SPTBN5: variants seen among roughly 807,000 people sequenced by gnomAD.
The protein encoded by SPTBN5 is spectrin beta, non-erythrocytic 5, also known as spectrin beta chain, non-erythrocytic 5.
In SPTBN5, 513 loss-of-function variants were observed where a neutral mutation model predicts 477.6. That is an observed-to-expected ratio of 1.07 (90% CI 1.00 to 1.16). The LOEUF (loss-of-function observed/expected upper bound fraction) is 1.16. SPTBN5 is among the 50% of genes most tolerant of loss of function. The pLI is 0.00. For missense variants in SPTBN5, 5,062 were observed against 4,731.8 expected, an observed-to-expected ratio of 1.07 and a Z score of -2.05; for synonymous variants, 2,169 against 2,011.7, an observed-to-expected ratio of 1.08 and a Z score of -2.09.
intron 32 of SPTBN5, among the ~76,000 whole-genome samples, chr15:41,869,570 G>C (rs918531664): frequency 2.0e-5 from 3 of 152,120 alleles, no homozygotes; most frequent in Admixed American, 6.5e-5. Context: ...AGCTTTCCTG[G>C]GCAGTTCTTA....
rs375102623 is a variant in SPTBN5 at position 41,851,362 on chromosome 15, G to A, written c.10664C>T (p.Ser3555Leu). 33 of 1,550,648 alleles carry A rather than the reference G, an allele frequency of 2.1e-5. No individual in the cohort carries two copies. The highest frequency in any genetic ancestry group is 1.8e-4 in the African/African-American group (13 of 72,980). ...CCCGCGGCAGCTGTCCCAGGAGCTC[G>A]AGCTAGGCTGTGGAGAGGAGGCGGG... ...HLLPGGRQPS[S>L]SSWDSCRGNL... Residue 3555 changes from serine to leucine, a missense_variant, in exon 64 of 68, where the codon TCG becomes TTG. Ser to Leu is a moderately radical substitution (Grantham distance 145). Transcript: ENST00000320955.
chr15:41,865,692 G>A, intron 39 of SPTBN5, 116 bp downstream of exon 39: 1 of 931,470 alleles, frequency 1.1e-6, no homozygotes, highest in South Asian at 1.7e-5. Context: ...CGAGGGCATA[G>A]GAGGAGCAGG....
At chr15:41,860,800 C>G in intron 46 of SPTBN5, 42 bp from the exon 47 acceptor site, 1 of 1,435,194 alleles carries the variant, frequency 7.0e-7, no homozygotes. Flanking sequence ...TGAGCCTCCC[C>G]CTCCCATCCC....
Position 41,857,418 on chromosome 15 carries a change from G to C in SPTBN5, c.8441C>G (p.Thr2814Ser), listed in dbSNP as rs773367566. ...CACCCCAGGCAGGGCCTGGCCCACA[G>C]TGGGGGCTCTCAGCTCAACCTCGAT... ...EPIEVELRAP[T>S]VGQALPGVGE... The change falls in exon 51 of 68, where the codon ACT becomes AGT. Residue 2814 changes from threonine (T) to serine (S), a missense_variant. Physicochemically the swap from Thr to Ser is moderately conservative, Grantham distance 58 (BLOSUM62 1). Coordinates refer to ENST00000320955, the MANE Select transcript of SPTBN5 (RefSeq NM_016642.4). 10 of 1,600,994 alleles carry C rather than the reference G, an allele frequency of 6.2e-6. No homozygotes were observed. Among genetic ancestry groups the C allele is most frequent in the African/African-American group, 4.0e-5 (3 of 74,638 alleles).
chr15:41,852,149 C>T (rs1007189276), intron 62 of SPTBN5, 33 bp downstream of exon 62: 17 of 1,547,486 alleles, frequency 1.1e-5, no homozygotes, highest in African/African-American at 1.4e-5. Context: ...GAGACCACGG[C>T]GGGGGTGCCT....
rs1313232014 is a variant in SPTBN5 at position 41,879,469 on chromosome 15, C to G, written c.2973G>C (p.Glu991Asp). 2 of 1,588,532 alleles carry G rather than the reference C, an allele frequency of 1.3e-6. No homozygotes were observed. Among genetic ancestry groups the G allele is most frequent in the East Asian group, 4.6e-5 (2 of 43,746 alleles). Residue 991 changes from glutamate to aspartate, a missense_variant, in exon 16 of 68, where the codon GAG (glutamate) becomes GAC (aspartate). Transcript: ENST00000320955. ...RWGQLEALKR[E>D]KAVQLAHSVE... The stretch of plus-strand genomic sequence containing the variant: ...CACTGTGTGCCAGCTGCACGGCCTT[C>G]TCCCTCTTCAGGGCCTCCAGCTGCC...
At position 41,849,903 on chromosome 15, in the gene SPTBN5, T is replaced by G; in HGVS notation, c.10978A>C (p.Thr3660Pro). 1 of 1,594,106 alleles carries G rather than the reference T, an allele frequency of 6.3e-7. No homozygotes were observed. Among genetic ancestry groups the G allele is most frequent in the South Asian group, 1.1e-5 (1 of 87,664 alleles). Residue 3660 changes from threonine (T) to proline (P), a missense_variant, in exon 67 of 68, where the codon ACG (threonine) becomes CCG (proline). Transcript: ENST00000320955. Reference sequence around the variant, plus strand: ...CATCCAGGCCGGGCATCCTTGGTCGTGCACTCATTCAGAGAGCTGACAGGT... The same window carrying G: ...CATCCAGGCCGGGCATCCTTGGTCGGGCACTCATTCAGAGAGCTGACAGGT... ...AKPVSSLNEC[T>P]TKDARPGCLL...
intron 28 of SPTBN5, 81 bp from the exon 29 acceptor site, chr15:41,871,601 C>A (rs1217969849): frequency 1.4e-6 from 2 of 1,416,114 alleles, no homozygotes; most frequent in East Asian, 2.8e-5. Flanking sequence ...CACCTCAGTG[C>A]CCAACTGGGT....
rs900952457 is a variant in SPTBN5 at position 41,869,865 on chromosome 15, G to A, written c.5829C>T (p.Arg1943=). 1 of 1,560,260 alleles carries A rather than the reference G, an allele frequency of 6.4e-7. No individual in the cohort carries two copies. The highest frequency in any genetic ancestry group is 1.9e-5 in the Admixed American group (1 of 51,854). Residue 1943 remains arginine, a synonymous_variant, in exon 32 of 68, where the codon CGC becomes CGT. Transcript: ENST00000320955. ...CCGCCGTGCGGAAGCGGGCCAGGAG[G>A]CGTGCCCGCTCCAGCTGGGCCCTGC... ...EQRRAQLERA[R]LLARFRTAVR...
rs1355149182 is a variant in SPTBN5, at chr15:41,883,076, G to T, written c.1812C>A (p.Gly604=). 3 of 1,593,702 alleles carry T rather than the reference G, an allele frequency of 1.9e-6. No homozygotes were observed. In the African/African-American group the frequency reaches 4.0e-5, roughly 21 times the overall value. The change falls in exon 9 of 68, where the codon GGC becomes GGA. Residue 604 remains glycine, a synonymous_variant. Coordinates refer to ENST00000320955, the MANE Select transcript of SPTBN5 (RefSeq NM_016642.4). ...QQTAELDSSL[G]TSVEVLQAKA... ...TGGCCTGCAGCACCTCCACACTGGT[G>T]CCCAGGGAGGAGTCCAGCTCTGCTG...
At chr15:41,851,971 C>T (rs2065779239) in intron 62 of SPTBN5, 121 bp from the exon 63 acceptor site, 2 of 965,986 alleles carry the variant, frequency 2.1e-6, no homozygotes, top group Non-Finnish European at 3.1e-6. Flanking sequence ...AGGCCTGACC[C>T]TGCTTAGCTT....
At position 41,854,714 on chromosome 15, in the gene SPTBN5, G is replaced by A; in HGVS notation, c.9618+68C>T. On this transcript the variant is annotated intron_variant, in intron 56 of 67. Coordinates refer to ENST00000320955, the MANE Select transcript of SPTBN5 (RefSeq NM_016642.4). ...TTGTTGGAACCAAAGCCTGTGGTAA[G>A]GAGGGCTTAGAGGGATTTTTTGAAG... is the stretch of plus-strand genomic sequence containing the variant. 4 of 1,360,056 alleles carry A rather than the reference G, an allele frequency of 2.9e-6. No individual in the cohort carries two copies. In the South Asian group the frequency reaches 4.8e-5, roughly 16 times the overall value. The allele number at this position is 1,360,056 out of a possible 1,614,324, so 84.2% of individuals were successfully genotyped here.
chr15:41,893,754 A>G, intron 1 of SPTBN5, 145 bp downstream of exon 1: 2 of 600,012 alleles, frequency 3.3e-6, no homozygotes, highest in Non-Finnish European at 2.9e-6. Flanking sequence ...TCTTCTTCTC[A>G]GAGCCCCTGC....
chr15:41,866,538 G>A (rs1323452790), intron 36 of SPTBN5, 45 bp from the exon 37 acceptor site: 1 of 1,478,614 alleles, frequency 6.8e-7, no homozygotes, highest in African/African-American at 1.4e-5. Flanking sequence ...TGCAGCCTCA[G>A]GCCCCAGACG....
At chr15:41,863,119 G>A (rs1000991028) in intron 41 of SPTBN5, among the ~76,000 whole-genome samples, 2 of 152,226 alleles carry the variant, frequency 1.3e-5, no homozygotes, top group Non-Finnish European at 2.9e-5. Context: ...AGAACCTCAC[G>A]TGTGTGCTGC....
chr15:41,848,213 A>G lies in SPTBN5; in HGVS notation c.*403T>C, dbSNP rs556411122. Reference sequence around the variant, plus strand: ...TGTCATTCTAGGCTCTTGGCTGTACATGGCAAGGGCTGGTACAGAGCTCGC... The same window carrying G: ...TGTCATTCTAGGCTCTTGGCTGTACGTGGCAAGGGCTGGTACAGAGCTCGC... On this transcript the variant is annotated 3_prime_UTR_variant, in exon 68 of 68. Transcript: ENST00000320955. 67 of 504,938 alleles carry G rather than the reference A, an allele frequency of 1.3e-4. No homozygotes were observed. Among genetic ancestry groups the G allele is most frequent in the Admixed American group, 8.4e-4 (25 of 29,666 alleles). The allele number at this position is 504,938 out of a possible 1,614,324, so 31.3% of individuals were successfully genotyped here. A position where few individuals can be genotyped will look rare whatever the true frequency, so the allele number is the denominator to read the frequency against.
Position 41,882,024 on chromosome 15 carries a change from A to G in SPTBN5, c.2369T>C (p.Leu790Pro), listed in dbSNP as rs1204013903. ...CGCGAAGGCGCGCAGGACGCGCTCC[A>G]GCCGCACGTGGCGCCTCAGCAGGGT... ...AETLLRRHVR[L>P]ERVLRAFAAE... is the part of the protein sequence containing the mutation. Residue 790 changes from leucine to proline, a missense_variant, in exon 12 of 68, where the codon CTG becomes CCG. Physicochemically the swap from Leu to Pro is moderately conservative, Grantham distance 98 (BLOSUM62 -3). Coordinates refer to ENST00000320955, the MANE Select transcript of SPTBN5 (RefSeq NM_016642.4). The G allele has an allele frequency of 2.6e-6, 4 of 1,543,270 alleles. No homozygotes were observed. Among genetic ancestry groups the G allele is most frequent in the Admixed American group, 3.8e-5 (2 of 53,096 alleles).
chr15:41,865,932 G>A (rs781044157), intron 38 of SPTBN5, 29 bp from the exon 39 acceptor site: 29 of 1,551,930 alleles, frequency 1.9e-5, no homozygotes, highest in Middle Eastern at 1.7e-4. Flanking sequence ...GGGAGGGAGC[G>A]CTGTGAGCAC....
intron 28 of SPTBN5, 100 bp from the exon 29 acceptor site, chr15:41,871,620 C>T: frequency 7.1e-7 from 1 of 1,415,978 alleles, no homozygotes; most frequent in Non-Finnish European, 9.3e-7. Context: ...GTGATGTGGG[C>T]TTGGATAGCC....
Sources: gnomAD v4.1 joint callset for allele counts (sites outside exome capture counted in the v4.1 genomes callset) on GRCh38, gnomAD v4.1.1 for gene constraint, MANE v1.5 for transcripts, NCBI Gene and HGNC (gene_info 2026-07-23, HGNC 2026-07-21) for gene names.